The following ABI3BP variants were observed in gnomAD, a reference collection of about 807,000 sequenced individuals.
The protein encoded by ABI3BP is target of Nesh-SH3.
ABI3BP carries 216 observed loss-of-function variants against 268.6 expected under a neutral mutation model. The ratio of observed to expected loss-of-function variants is 0.80; its 90% CI spans 0.72 to 0.90. The LOEUF (loss-of-function observed/expected upper bound fraction) is 0.90, where lower values mean the gene tolerates loss of function less well. Among genes scored for constraint, ABI3BP ranks in the 40% least tolerant of loss-of-function variants. The pLI is 0.00. For missense variants in ABI3BP, 2,090 were observed against 2,182.4 expected, an observed-to-expected ratio of 0.96 and a Z score of 0.84; for synonymous variants, 730 against 730.0, an observed-to-expected ratio of 1.00 and a Z score of 0.00.
intron 8 of ABI3BP, 128 bp from the exon 9 acceptor site, chr3:100,875,061 A>G (rs2099147072): frequency 1.9e-6 from 1 of 534,738 alleles, no homozygotes. Flanking sequence ...ATTTTAACCC[A>G]AACTTTAAAA....
At chr3:100,898,402 C>T (rs190677815) in intron 4 of ABI3BP, among the ~76,000 whole-genome samples, 2 of 152,296 alleles carry the variant, frequency 1.3e-5, no homozygotes, top group East Asian at 3.9e-4. Flanking sequence ...TTAAGAGCTT[C>T]AATTGTGAGA....
chr3:100,892,216 C>A (rs1254438860), intron 4 of ABI3BP, among the ~76,000 whole-genome samples: 1 of 152,036 alleles, frequency 6.6e-6, no homozygotes, highest in African/African-American at 2.4e-5. Context: ...GAATTACCAG[C>A]GTGGAAGAAT....
chr3:100,847,670 C>G lies in ABI3BP; in HGVS notation c.1580G>C (p.Arg527Thr), dbSNP rs770132921. The stretch of plus-strand genomic sequence containing the variant: ...TGTAATTGTTCCGGCACTTGTGGTT[C>G]TTTCTGGTGATGGAAAGGAAAAAAA... ...RPKPPRTKPE[R>T]TTSAGTITPK... Residue 527 changes from arginine (R) to threonine (T), a missense_variant, in exon 19 of 68, where the codon AGA becomes ACA. Coordinates refer to ENST00000471714, the MANE Select transcript of ABI3BP (RefSeq NM_001375547.2). 5.6e-6 allele frequency: 9 copies of G among 1,613,194 alleles called. No individual in the cohort carries two copies. In the Admixed American group the frequency reaches 1.5e-4, roughly 27 times the overall value.
At position 100,951,034 on chromosome 3, in the gene ABI3BP, G is replaced by A. The variant is rs532611882; in HGVS notation, c.80-24553C>T. ...TCTGCCACACTAACTGCTCACCGGA[G>A]AGTAACAAAATATCTATTATTTCCC... On this transcript the variant is annotated intron_variant, in intron 1 of 67. Transcript: ENST00000471714. 2.0e-5 allele frequency among the ~76,000 whole-genome samples: 3 copies of A among 151,996 alleles called. No homozygotes were observed. In the South Asian group the frequency reaches 6.2e-4, roughly 32 times the overall value.
In ABI3BP at chr3:100,848,859, T is replaced by G. The variant is rs375825700; in HGVS notation, c.1518A>C (p.Thr506=). The change falls in exon 18 of 68, where the codon ACA becomes ACC. Residue 506 remains threonine, a synonymous_variant. Coordinates refer to ENST00000471714, the MANE Select transcript of ABI3BP (RefSeq NM_001375547.2). ...GTCGTTTAGGTGTAGAAGGGATAGA[T>G]GTAGTTTGCTGGGGAGCTGAAAGAA... ...QPTTPAPQQT[T]SIPSTPKRRP... 40 of 1,613,024 alleles carry G rather than the reference T, an allele frequency of 2.5e-5. No homozygotes were observed. Among genetic ancestry groups the G allele is most frequent in the Non-Finnish European group, 3.1e-5 (37 of 1,179,288 alleles).
chr3:100,829,314 TG>T (rs1393773470), intron 33 of ABI3BP, among the ~76,000 whole-genome samples: 1 of 152,186 alleles, frequency 6.6e-6, no homozygotes, highest in East Asian at 1.9e-4. Flanking sequence ...ATCTCCCACT[TG>T]CATGAACATA....
chr3:100,810,064 T>A (rs936779026), intron 49 of ABI3BP, among the ~76,000 whole-genome samples: 8 of 152,054 alleles, frequency 5.3e-5, no homozygotes, highest in Non-Finnish European at 1.0e-4. Context: ...TTAATATACT[T>A]TTTACATGAT....
intron 30 of ABI3BP, 131 bp from the exon 31 acceptor site, chr3:100,832,481 AT>A: frequency 1.2e-6 from 1 of 851,348 alleles, no homozygotes; most frequent in Non-Finnish European, 1.7e-6. Context: ...TTCGTTTGAA[AT>A]TTTCTCCTTC....
At position 100,877,061 on chromosome 3, in the gene ABI3BP, A is replaced by G. The variant is rs1265027381; in HGVS notation, c.697-501T>C. Among the ~76,000 whole-genome samples the G allele has an allele frequency of 3.9e-5, 6 of 152,168 alleles. No homozygotes were observed. The South Asian group carries it at 6.2e-4, about 16-fold the overall frequency. On this transcript the variant is annotated intron_variant, in intron 6 of 67. Coordinates refer to ENST00000471714, the MANE Select transcript of ABI3BP (RefSeq NM_001375547.2). ...TTATTGGATTCACTTGGTTTCCCTC[A>G]TAAATATCCCAAGGTTTGACAGAAG...
chr3:100,843,877 G>A, intron 20 of ABI3BP: 1 of 984,534 alleles, frequency 1.0e-6, no homozygotes, highest in Non-Finnish European at 1.2e-6. Flanking sequence ...GCTACTCATT[G>A]CATCTTTTAG....
intron 1 of ABI3BP, among the ~76,000 whole-genome samples, chr3:100,953,549 AG>A (rs1277752856): frequency 6.6e-6 from 1 of 152,328 alleles, no homozygotes; most frequent in East Asian, 1.9e-4. Flanking sequence ...CATTTGCAAA[AG>A]AAAATAAGGA....
intron 1 of ABI3BP, among the ~76,000 whole-genome samples, chr3:100,971,434 C>G (rs925696386): frequency 2.6e-5 from 4 of 152,044 alleles, no homozygotes; most frequent in Non-Finnish European, 4.4e-5. Flanking sequence ...AGTAGGCTAG[C>G]AGGAATGAGG....
At chr3:100,787,623 A>T in intron 57 of ABI3BP, 105 bp downstream of exon 57, 2 of 999,150 alleles carry the variant, frequency 2.0e-6, no homozygotes, top group Non-Finnish European at 2.8e-6. Context: ...GAACTTTAAA[A>T]ACTGGTAAAA....
chr3:100,829,977 AT>A (rs2098456058), intron 32 of ABI3BP, among the ~76,000 whole-genome samples: 1 of 150,706 alleles, frequency 6.6e-6, no homozygotes. Flanking sequence ...TATATTTGTG[AT>A]GGTACTTACA....
chr3:100,947,129 G>A (rs1376975788), intron 1 of ABI3BP, among the ~76,000 whole-genome samples: 2 of 151,996 alleles, frequency 1.3e-5, no homozygotes, highest in Admixed American at 6.6e-5. Flanking sequence ...AGTCTAAAAT[G>A]TTTTTCAATA....
In ABI3BP at chr3:100,752,835, G is replaced by T. The variant is rs1159770394; in HGVS notation, c.5074C>A (p.Leu1692Met). The T allele has an allele frequency of 3.1e-6, 5 of 1,613,520 alleles. No individual in the cohort carries two copies. The highest frequency in any genetic ancestry group is 4.2e-6 in the Non-Finnish European group (5 of 1,179,708). Residue 1692 changes from leucine (L) to methionine (M), a missense_variant, in exon 66 of 68, where the codon CTG (leucine) becomes ATG (methionine). Transcript: ENST00000471714. ...ATCTTGTATCTGAGAGAGTTGCACA[G>T]CTGCACTCCTACAAATTTTTTATAC... ...TWYKKFVGVQLCNSLRYKIYL... is the reference protein window; with the variant it reads ...TWYKKFVGVQMCNSLRYKIYL...
chr3:100,948,696 T>G (rs2073624539), intron 1 of ABI3BP, among the ~76,000 whole-genome samples: 3 of 152,208 alleles, frequency 2.0e-5, no homozygotes, highest in African/African-American at 7.2e-5. Context: ...TGCATTCACT[T>G]TTTAACTTAA....
chr3:100,874,840 C>CAATTAGTTCAAGACA lies in ABI3BP; in HGVS notation c.910_910+1insTGTCTTGAACTAATT (p.Ala304delinsValSerTer), dbSNP rs766498505. ...TTCAAATACAAAACTTTTCTGCTTA[C>CAATTAGTTCAAGACA]CTAATTGTGTCTTGAGTGCATCTGA... On this transcript the variant is annotated stop_gained and protein_altering_variant and splice_region_variant. Transcript: ENST00000471714. LOFTEE classifies it high-confidence loss of function. 2.2e-4 allele frequency: 344 copies of CAATTAGTTCAAGACA among 1,578,046 alleles called. No homozygotes were observed. Among genetic ancestry groups the CAATTAGTTCAAGACA allele is most frequent in the Non-Finnish European group, 2.6e-4 (299 of 1,157,342 alleles).
intron 3 of ABI3BP, among the ~76,000 whole-genome samples, chr3:100,901,769 G>GAAAAAAAA (rs1194027727): frequency 2.8e-5 from 3 of 108,656 alleles, no homozygotes; most frequent in Non-Finnish European, 6.1e-5. Context: ...CCGTCTCAAA[G>GAAAAAAAA]AAAAAAAAAA....
Sources: gnomAD v4.1 joint callset for allele counts (sites outside exome capture counted in the v4.1 genomes callset) on GRCh38, gnomAD v4.1.1 for gene constraint, MANE v1.5 for transcripts, NCBI Gene and HGNC (gene_info 2026-07-23, HGNC 2026-07-21) for gene names.